The following CDKL5 variants were observed in gnomAD, a reference collection of about 807,000 sequenced individuals.
The protein encoded by CDKL5 is cyclin dependent kinase like 5, also known as cyclin-dependent kinase-like 5.
CDKL5 carries 8 observed loss-of-function variants against 61.7 expected under a neutral mutation model. The ratio of observed to expected loss-of-function variants is 0.13; its 90% confidence interval spans 0.08 to 0.23. CDKL5 has a LOEUF of 0.23. Among genes scored for constraint, CDKL5 ranks in the 10% least tolerant of loss-of-function variants. The pLI is 1.00. For missense variants in CDKL5, 440 were observed against 734.5 expected, an observed-to-expected ratio of 0.60 and a Z score of 4.63; for synonymous variants, 275 against 272.3, an observed-to-expected ratio of 1.01 and a Z score of -0.10.
In CDKL5 at chrX:18,630,525, C is replaced by T. The variant is rs1360563358; in HGVS notation, c.*1768C>T. 6.7e-6 allele frequency: 5 copies of T among 749,740 alleles called. No individual in the cohort carries two copies. Among genetic ancestry groups the T allele is most frequent in the East Asian group, 3.0e-4 (2 of 6,560 alleles). 61.8% of individuals were successfully genotyped at this position (749,740 alleles called of 1,213,427 possible). The stretch of plus-strand genomic sequence containing the variant: ...TGTGCTGTTACTGTTAACCCTCCCC[C>T]GAGATTTTGAGAATCATAGCTCTGA... On this transcript the variant is annotated 3_prime_UTR_variant, in exon 18 of 18. Coordinates refer to ENST00000623535, the MANE Select transcript of CDKL5 (RefSeq NM_001323289.2).
rs954999977 is a variant in CDKL5, at chrX:18,615,443, G to A, written c.2276+2168G>A. On this transcript the variant is annotated intron_variant, in intron 15 of 17. Coordinates refer to ENST00000623535, the MANE Select transcript of CDKL5 (RefSeq NM_001323289.2). ...CTTTGTTGCGAGGGGATGGAGACAGGGTCTGGCTCTGTTGCCCAGGCTGTA... is the reference window on the plus strand; with the variant it reads ...CTTTGTTGCGAGGGGATGGAGACAGAGTCTGGCTCTGTTGCCCAGGCTGTA... 3.6e-5 allele frequency among the ~76,000 whole-genome samples: 4 copies of A among 111,875 alleles called. No homozygotes were observed. In the Admixed American group the frequency reaches 3.8e-4, roughly 11 times the overall value.
chrX:18,621,221 T>A (rs1186217945), intron 16 of CDKL5, among the ~76,000 whole-genome samples: 1 of 112,214 alleles, frequency 8.9e-6, no homozygotes, highest in Non-Finnish European at 1.9e-5. Context: ...TATAGAATTA[T>A]GACTCAATGG....
chrX:18,640,751 A>G (rs56063474), downstream of CDKL5: 2,429 of 112,222 alleles, frequency 0.022, 48 homozygotes, highest in African/African-American at 0.063. Flanking sequence ...CTGGGGCCAG[A>G]ACAGTCTTTA....
intron 16 of CDKL5, among the ~76,000 whole-genome samples, chrX:18,620,608 G>A (rs1926862361): frequency 8.9e-6 from 1 of 111,751 alleles, no homozygotes; most frequent in Admixed American, 9.5e-5. Flanking sequence ...CAAGGATCCT[G>A]CTGGTTTAGT....
Position 18,588,142 on chromosome X carries a change from G to A in CDKL5, c.743G>A (p.Arg248Gln), listed in dbSNP as rs1064795857. The change falls in exon 9 of 18, where the codon CGG (arginine) becomes CAG (glutamine). Residue 248 changes from arginine (R) to glutamine (Q), a missense_variant and splice_region_variant. Physicochemically the swap from Arg to Gln is conservative, Grantham distance 43. Around this residue, in one of 2 missense-constraint regions of CDKL5, gnomAD observed 77 missense variants for 218.2 expected, o/e 0.35. Transcript: ENST00000623535. Reference sequence around the variant, plus strand: ...AGTAATCCTCGCTTCCATGGGCTCCGGGTAAGAGGTTTTGCTGAAACCCAA... The same window carrying A: ...AGTAATCCTCGCTTCCATGGGCTCCAGGTAAGAGGTTTTGCTGAAACCCAA... ...FYSNPRFHGLRFPAVNHPQSL... is the reference protein window; with the variant it reads ...FYSNPRFHGLQFPAVNHPQSL... 1.3e-5 allele frequency: 16 copies of A among 1,204,501 alleles called. No homozygotes were observed. Among genetic ancestry groups the A allele is most frequent in the South Asian group, 3.5e-5 (2 of 56,618 alleles).
At chrX:18,615,671 C>G (rs1290571196) in intron 15 of CDKL5, among the ~76,000 whole-genome samples, 3 of 111,890 alleles carry the variant, frequency 2.7e-5, no homozygotes, top group African/African-American at 9.8e-5. Context: ...ACTGCCTCAG[C>G]CTCCCAAAGT....
intron 4 of CDKL5, among the ~76,000 whole-genome samples, chrX:18,574,803 A>C (rs1925241700): frequency 8.9e-6 from 1 of 111,993 alleles, no homozygotes; most frequent in African/African-American, 3.2e-5. Context: ...TGAATTGTGG[A>C]TGCTTGGCGC....
At chrX:18,435,234 G>T (rs1212338493) in intron 1 of CDKL5, among the ~76,000 whole-genome samples, 2 of 111,232 alleles carry the variant, frequency 1.8e-5, no homozygotes, top group African/African-American at 6.5e-5. Context: ...ACCAAGGTTT[G>T]TCAGCCGCTT....
chrX:18,480,897 C>T (rs1398884628), intron 1 of CDKL5, among the ~76,000 whole-genome samples: 1 of 103,466 alleles, frequency 9.7e-6, no homozygotes, highest in Non-Finnish European at 2.0e-5. Context: ...TCGTTCTATC[C>T]CCTAGGCTGG....
At chrX:18,470,102 C>T (rs902551390) in intron 1 of CDKL5, among the ~76,000 whole-genome samples, 2 of 110,710 alleles carry the variant, frequency 1.8e-5, no homozygotes. Context: ...TTTGGGAGGC[C>T]GATGCAGGCG....
At position 18,587,871 on chromosome X, in the gene CDKL5, TA is replaced by T. The variant is rs1925691112; in HGVS notation, c.555-80del. On this transcript the variant is annotated intron_variant, in intron 8 of 17. Transcript: ENST00000623535. ...CATAAATATACAAGTGTGCTGCACA[TA>T]AATTTGTTCACAATAATTTGGAAAT... is the stretch of plus-strand genomic sequence containing the variant. 5.4e-6 allele frequency: 5 copies of T among 917,531 alleles called. No individual in the cohort carries two copies. The Admixed American group carries it at 8.8e-5, about 16-fold the overall frequency. The allele number at this position is 917,531 out of a possible 1,213,427, so 75.6% of individuals were successfully genotyped here. A position where few individuals can be genotyped will look rare whatever the true frequency, so the allele number is the denominator to read the frequency against.
At position 18,438,771 on chromosome X, in the gene CDKL5, C is replaced by T. The variant is rs191982080; in HGVS notation, c.-163+13076C>T. Among the ~76,000 whole-genome samples, 134 of 83,575 alleles carry T rather than the reference C, an allele frequency of 1.6e-3. 1 individual carries two copies. The highest frequency in any genetic ancestry group is 2.6e-3 in the Non-Finnish European group (117 of 45,584). 72.6% of individuals were successfully genotyped at this position (83,575 alleles called of 115,157 possible). ...CACCACTGCCCTCCAGCCTGGGCGA[C>T]AGAGCGAACCTCCGTCTCAAAAAAA... On this transcript the variant is annotated intron_variant, in intron 1 of 17. Transcript: ENST00000623535.
At chrX:18,555,039 A>G (rs1924550396) in intron 3 of CDKL5, among the ~76,000 whole-genome samples, 1 of 111,193 alleles carries the variant, frequency 9.0e-6, no homozygotes, top group Admixed American at 9.6e-5. Flanking sequence ...TCACATTTTT[A>G]AGGGGGAATG....
chrX:18,651,657 T>C (rs1012004912), intron 21 of CDKL5, among the ~76,000 whole-genome samples: 2 of 111,375 alleles, frequency 1.8e-5, no homozygotes, highest in Non-Finnish European at 3.8e-5. Context: ...GGGGGGTTCA[T>C]GTAGTCTAAA....
chrX:18,508,231 C>G (rs1922654863), intron 2 of CDKL5, among the ~76,000 whole-genome samples: 1 of 112,318 alleles, frequency 8.9e-6, no homozygotes, highest in Non-Finnish European at 1.9e-5. Flanking sequence ...TCCTAAAGGA[C>G]TAAAAAAGTT....
At chrX:18,609,713 A>G (rs1183832014) in intron 14 of CDKL5, 143 bp downstream of exon 14, 1 of 1,045,862 alleles carries the variant, frequency 9.6e-7, no homozygotes, top group Non-Finnish European at 1.3e-6. Flanking sequence ...TGCTCCTGCT[A>G]AGTCAGGCCC....
chrX:18,509,245 A>ACACACACACCCC (rs796171313), intron 2 of CDKL5, among the ~76,000 whole-genome samples: 1 of 95,350 alleles, frequency 1.0e-5, no homozygotes, highest in South Asian at 5.1e-4. Context: ...ACACACACAC[A>ACACACACACCCC]CCCCTGTCAA....
intron 1 of CDKL5, among the ~76,000 whole-genome samples, chrX:18,456,285 A>C (rs968215361): frequency 9.0e-6 from 1 of 110,773 alleles, no homozygotes; most frequent in South Asian, 3.8e-4. Flanking sequence ...TGGTCCACCC[A>C]CCTTGGCCAC....
intron 3 of CDKL5, among the ~76,000 whole-genome samples, chrX:18,561,435 T>TA (rs202243682): frequency 0.047 from 4,561 of 96,388 alleles, 215 homozygotes; most frequent in East Asian, 0.18. Context: ...ACTGAATATG[T>TA]AAAAAAAAAA....
Sources: allele counts gnomAD v4.1 joint callset (sites outside exome capture counted in the v4.1 genomes callset), GRCh38; gene constraint gnomAD v4.1.1; regional missense constraint gnomAD v4.1.1; transcripts MANE v1.5; gene names NCBI Gene and HGNC (gene_info 2026-07-23, HGNC 2026-07-21).